STXBP6: variants seen among roughly 807,000 people sequenced by gnomAD.
The protein encoded by STXBP6 is syntaxin-binding protein 6.
In STXBP6, 21 loss-of-function variants were observed where a neutral mutation model predicts 26.9. The observed-to-expected ratio is 0.78, with a 90% CI of 0.55 to 1.12. The LOEUF (loss-of-function observed/expected upper bound fraction) is 1.12. STXBP6 is among the 50% of genes most tolerant of loss of function. The probability of loss-of-function intolerance (pLI) is 0.00; values close to 1 mark genes in which losing one functional copy is unlikely to be tolerated. For synonymous variants in STXBP6, 97 were observed against 92.6 expected, an observed-to-expected ratio of 1.05 and a Z score of -0.27; for missense variants, 232 against 257.9, an observed-to-expected ratio of 0.90 and a Z score of 0.69.
At chr14:24,973,134 C>T (rs1320719137) in intron 2 of STXBP6, among the ~76,000 whole-genome samples, 1 of 152,082 alleles carries the variant, frequency 6.6e-6, no homozygotes, top group African/African-American at 2.4e-5. Context: ...AAACAAAACA[C>T]ACTTGAATTT....
At chr14:24,987,242 A>G (rs1179275363) in intron 1 of STXBP6, among the ~76,000 whole-genome samples, 1 of 149,586 alleles carries the variant, frequency 6.7e-6, no homozygotes, top group Non-Finnish European at 1.5e-5. Flanking sequence ...CCCTGACTCG[A>G]CCTGACAGAT....
rs1234345233 is a variant in STXBP6, at chr14:24,881,698, T to A, written c.155-24541A>T. On this transcript the variant is annotated intron_variant, in intron 2 of 5. Transcript: ENST00000323944. ...CCTAGCAATGACAAGCATACATTTT[T>A]AAGAAGCTGGTGACCTGGGCTGACT... is the stretch of plus-strand genomic sequence containing the variant. 3.3e-5 allele frequency among the ~76,000 whole-genome samples: 5 copies of A among 152,190 alleles called. No homozygotes were observed. The East Asian group carries it at 9.6e-4, about 29-fold the overall frequency.
At chr14:24,893,284 A>G (rs1248098091) in intron 2 of STXBP6, among the ~76,000 whole-genome samples, 1 of 152,248 alleles carries the variant, frequency 6.6e-6, no homozygotes, top group African/African-American at 2.4e-5. Flanking sequence ...GACCTATTCA[A>G]AGTATTCTGC....
intron 2 of STXBP6, among the ~76,000 whole-genome samples, chr14:24,921,487 T>C (rs568882654): frequency 6.6e-6 from 1 of 152,288 alleles, no homozygotes; most frequent in Non-Finnish European, 1.5e-5. Context: ...ATATCCTTTT[T>C]CTGGATATCA....
In STXBP6 at chr14:24,943,808, C is replaced by T. The variant is rs145084302; in HGVS notation, c.154+30857G>A. ...TAAATAAATCACTAAAAATTTTGAA[C>T]GGTAGGAGCTCTAGCTTTGACTCTG... On this transcript the variant is annotated intron_variant, in intron 2 of 5. Transcript: ENST00000323944. 1.7e-3 allele frequency among the ~76,000 whole-genome samples: 261 copies of T among 152,138 alleles called. 1 individual carries two copies. The highest frequency in any genetic ancestry group is 0.014 in the South Asian group (68 of 4,816).
At chr14:24,886,030 C>T (rs1442593835) in intron 2 of STXBP6, among the ~76,000 whole-genome samples, 1 of 152,182 alleles carries the variant, frequency 6.6e-6, no homozygotes, top group Non-Finnish European at 1.5e-5. Context: ...TATGTTAACA[C>T]ATTGCCTGGT....
chr14:24,963,316 A>G (rs2073613513), intron 2 of STXBP6, among the ~76,000 whole-genome samples: 1 of 152,228 alleles, frequency 6.6e-6, no homozygotes, highest in Non-Finnish European at 1.5e-5. Context: ...CAGGAAGATG[A>G]AAACTTGGAT....
chr14:24,853,663 C>G (rs2069232269), intron 4 of STXBP6, among the ~76,000 whole-genome samples: 1 of 152,062 alleles, frequency 6.6e-6, no homozygotes, highest in South Asian at 2.1e-4. Context: ...AGAGACACAC[C>G]TACAGTTACA....
chr14:24,942,206 A>G (rs1034772561), intron 2 of STXBP6, among the ~76,000 whole-genome samples: 3 of 152,178 alleles, frequency 2.0e-5, no homozygotes, highest in Non-Finnish European at 4.4e-5. Context: ...TTTTTCTAAC[A>G]GGGCCATTTT....
Position 24,980,392 on chromosome 14 carries a change from C to T in STXBP6, c.-32-5542G>A, listed in dbSNP as rs1298963325. ...CTCAAGTTGAAAGCTTTAGTCTTTC[C>T]ATGGTATGTAGGCATGTGAATAAAC... is the stretch of plus-strand genomic sequence containing the variant. On this transcript the variant is annotated intron_variant, in intron 1 of 5. Coordinates refer to ENST00000323944, the MANE Select transcript of STXBP6 (RefSeq NM_001394410.1). Among the ~76,000 whole-genome samples, 6 of 152,044 alleles carry T rather than the reference C, an allele frequency of 3.9e-5. No homozygotes were observed. In the East Asian group the frequency reaches 1.2e-3, roughly 29 times the overall value.
chr14:24,952,277 A>AG (rs1393892327), intron 2 of STXBP6, among the ~76,000 whole-genome samples: 8 of 151,292 alleles, frequency 5.3e-5, no homozygotes, highest in African/African-American at 1.9e-4. Context: ...TGCTCTGCTT[A>AG]GGGGGTAGCC....
At chr14:25,019,389 A>G (rs2075218498) in intron 1 of STXBP6, among the ~76,000 whole-genome samples, 1 of 152,252 alleles carries the variant, frequency 6.6e-6, no homozygotes, top group African/African-American at 2.4e-5. Context: ...TTAAGAATCT[A>G]TCAAAGAGCT....
intron 2 of STXBP6, among the ~76,000 whole-genome samples, chr14:24,894,225 AAG>A (rs1443542486): frequency 6.6e-6 from 1 of 152,228 alleles, no homozygotes; most frequent in Non-Finnish European, 1.5e-5. Context: ...AGGGTCTCAT[AAG>A]AGAGAAGACG....
At chr14:25,024,307 T>C (rs1324596305) in intron 1 of STXBP6, among the ~76,000 whole-genome samples, 1 of 143,052 alleles carries the variant, frequency 7.0e-6, no homozygotes, top group Admixed American at 6.9e-5. Flanking sequence ...AGACTCTGAC[T>C]CAAAAAAAAA....
In STXBP6 at chr14:24,857,155, T is replaced by A. The variant is rs1225411392; in HGVS notation, c.157A>T (p.Thr53Ser). 6.2e-7 allele frequency: 1 copy of A among 1,612,722 alleles called. No homozygotes were observed. The highest frequency in any genetic ancestry group is 1.1e-5 in the South Asian group (1 of 91,038). ...EYLTYICLSV[T>S]NKKPTQASIT... Reference sequence around the variant, plus strand: ...GACGCCTGTGTGGGTTTCTTGTTTGTCACTGCCAAGAAAAGATCACTCAGA... The same window carrying A: ...GACGCCTGTGTGGGTTTCTTGTTTGACACTGCCAAGAAAAGATCACTCAGA... Residue 53 changes from threonine to serine, a missense_variant and splice_region_variant, in exon 3 of 6, where the codon ACA becomes TCA. Thr to Ser is a moderately conservative substitution (Grantham distance 58). Coordinates refer to ENST00000323944, the MANE Select transcript of STXBP6 (RefSeq NM_001394410.1).
At chr14:24,919,035 A>C (rs2071879224) in intron 2 of STXBP6, among the ~76,000 whole-genome samples, 1 of 151,876 alleles carries the variant, frequency 6.6e-6, no homozygotes, top group African/African-American at 2.4e-5. Flanking sequence ...CATAATGGAG[A>C]CTCTGGAAAA....
intron 2 of STXBP6, among the ~76,000 whole-genome samples, chr14:24,894,094 A>G (rs1049344531): frequency 6.6e-5 from 10 of 152,230 alleles, no homozygotes; most frequent in Non-Finnish European, 1.5e-4. Flanking sequence ...ATGGTTTTAG[A>G]AAATTAGGCA....
chr14:24,950,685 C>T (rs1339177713), intron 2 of STXBP6, among the ~76,000 whole-genome samples: 1 of 152,044 alleles, frequency 6.6e-6, no homozygotes, highest in Non-Finnish European at 1.5e-5. Context: ...CAATAATTAC[C>T]ATGTTATCTT....
intron 2 of STXBP6, among the ~76,000 whole-genome samples, chr14:24,909,238 T>C (rs2071485083): frequency 6.6e-6 from 1 of 152,226 alleles, no homozygotes; most frequent in Non-Finnish European, 1.5e-5. Context: ...TTACAAACTT[T>C]AGGTTTGCGA....
Sources: allele counts gnomAD v4.1 joint callset (sites outside exome capture counted in the v4.1 genomes callset), GRCh38; gene constraint gnomAD v4.1.1; transcripts MANE v1.5; gene names NCBI Gene and HGNC (gene_info 2026-07-23, HGNC 2026-07-21).